The following CD9 variants were observed in gnomAD, a reference collection of about 807,000 sequenced individuals.
The protein encoded by CD9 is CD9 antigen.
In CD9, 10 loss-of-function variants were observed where a neutral mutation model predicts 31.4. That is an observed-to-expected ratio of 0.32 (90% CI 0.20 to 0.54). The LOEUF (loss-of-function observed/expected upper bound fraction) is 0.54, where lower values mean the gene tolerates loss of function less well. CD9 is among the 20% of genes least tolerant of loss of function. The pLI, the probability that CD9 is intolerant of heterozygous loss-of-function variation, is 0.94. For synonymous variants in CD9, 113 were observed against 114.1 expected, an observed-to-expected ratio of 0.99 and a Z score of 0.06; for missense variants, 259 against 300.1, an observed-to-expected ratio of 0.86 and a Z score of 1.01.
chr12:6,211,619 AGT>A (rs1331642380), intron 1 of CD9, among the ~76,000 whole-genome samples: 2 of 152,214 alleles, frequency 1.3e-5, no homozygotes, highest in Non-Finnish European at 2.9e-5. Flanking sequence ...TGTCAGCAAG[AGT>A]GTGTGCAGTC....
At chr12:6,206,492 A>G (rs1187113960) in intron 1 of CD9, among the ~76,000 whole-genome samples, 2 of 152,150 alleles carry the variant, frequency 1.3e-5, no homozygotes, top group African/African-American at 4.8e-5. Context: ...CCAAAATGCT[A>G]GGATTACAGG....
At chr12:6,203,682 C>A (rs570533781) in intron 1 of CD9, among the ~76,000 whole-genome samples, 1 of 152,268 alleles carries the variant, frequency 6.6e-6, no homozygotes, top group African/African-American at 2.4e-5. Context: ...TCCTTCAGAC[C>A]TCCCTGCCCG....
chr12:6,237,901 T>TTTGTTTG lies in CD9; in HGVS notation c.*90_*96dup, dbSNP rs1314354693. The stretch of plus-strand genomic sequence containing the variant: ...GGGATTTTTTGTTTGTTTGTTTTGT[T>TTTGTTTG]TTGTTTGTTGTTTGTTGTTTGTTTT... On this transcript the variant is annotated 3_prime_UTR_variant, in exon 8 of 8. Coordinates refer to ENST00000009180, the MANE Select transcript of CD9 (RefSeq NM_001769.4). The TTTGTTTG allele has an allele frequency of 1.7e-5, 20 of 1,202,920 alleles. No individual in the cohort carries two copies. Among genetic ancestry groups the TTTGTTTG allele is most frequent in the African/African-American group, 3.0e-5 (2 of 67,020 alleles). 74.5% of individuals were successfully genotyped at this position (1,202,920 alleles called of 1,614,324 possible). A position where few individuals can be genotyped will look rare whatever the true frequency, so the allele number is the denominator to read the frequency against.
intron 1 of CD9, chr12:6,200,788 C>T: frequency 2.3e-6 from 1 of 442,800 alleles, no homozygotes; most frequent in Non-Finnish European, 4.0e-6. Flanking sequence ...TCATCACCGC[C>T]CAGCCGGCGT....
intron 2 of CD9, among the ~76,000 whole-genome samples, chr12:6,227,550 G>A (rs1297055698): frequency 6.6e-6 from 1 of 152,276 alleles, no homozygotes; most frequent in African/African-American, 2.4e-5. Flanking sequence ...TCATTGTCTT[G>A]TGTGTATTAT....
rs926518808 is a variant in CD9, at chr12:6,232,316, C to T, written c.176-316C>T. On this transcript the variant is annotated intron_variant, in intron 2 of 7. Transcript: ENST00000009180. The surrounding 1 kb of genome is among the most constrained non-coding windows in gnomAD (Gnocchi z 4.8). ...TGACAGACTGGACCAGTTTGCATTC[C>T]GAATGTAGGGATTCCCGTGGATATT... The T allele has an allele frequency of 4.9e-5, 21 of 429,298 alleles. No individual in the cohort carries two copies. The highest frequency in any genetic ancestry group is 3.6e-4 in the South Asian group (16 of 43,914). The allele number at this position is 429,298 out of a possible 1,614,324, so 26.6% of individuals were successfully genotyped here.
chr12:6,211,663 C>T lies in CD9; in HGVS notation c.66+11098C>T, dbSNP rs141579389. Among the ~76,000 whole-genome samples, 36 of 152,242 alleles carry T rather than the reference C, an allele frequency of 2.4e-4. No homozygotes were observed. In the East Asian group the frequency reaches 6.2e-3, roughly 26 times the overall value. The stretch of plus-strand genomic sequence containing the variant: ...AGACAGCTCGGCGAGGCATACACAA[C>T]GGAAAACAAATGTGTGGTATTCTGG... On this transcript the variant is annotated intron_variant, in intron 1 of 7. Transcript: ENST00000009180.
chr12:6,227,246 TG>T lies in CD9; in HGVS notation c.175+1714del, dbSNP rs1358785679. 2.6e-5 allele frequency among the ~76,000 whole-genome samples: 4 copies of T among 151,374 alleles called. No homozygotes were observed. In the East Asian group the frequency reaches 7.7e-4, roughly 29 times the overall value. ...GAAGTTTCAATCTTGTTGCCCAGGCTGGAGTGCAATGACACAATCTCGGCTC... is the reference window on the plus strand; with the variant it reads ...GAAGTTTCAATCTTGTTGCCCAGGCTGAGTGCAATGACACAATCTCGGCTC... On this transcript the variant is annotated intron_variant, in intron 2 of 7. Transcript: ENST00000009180.
rs1000498347 is a variant in CD9, at chr12:6,201,920, C to T, written c.66+1355C>T. 2.6e-5 allele frequency among the ~76,000 whole-genome samples: 4 copies of T among 152,130 alleles called. No individual in the cohort carries two copies. In the East Asian group the frequency reaches 5.8e-4, roughly 22 times the overall value. ...GGGCGTGTTGGCATGCACCTGTGATCGCAGCTACTCAGGAGGCTGAGATGA... is the reference window on the plus strand; with the variant it reads ...GGGCGTGTTGGCATGCACCTGTGATTGCAGCTACTCAGGAGGCTGAGATGA... On this transcript the variant is annotated intron_variant, in intron 1 of 7. Coordinates refer to ENST00000009180, the MANE Select transcript of CD9 (RefSeq NM_001769.4).
intron 1 of CD9, among the ~76,000 whole-genome samples, chr12:6,210,060 G>A (rs1946177692): frequency 6.6e-6 from 1 of 152,222 alleles, no homozygotes; most frequent in African/African-American, 2.4e-5. Context: ...TTTGTCATGG[G>A]AGGCTGGCAC....
At chr12:6,207,856 C>G (rs1946149998) in intron 1 of CD9, among the ~76,000 whole-genome samples, 1 of 152,198 alleles carries the variant, frequency 6.6e-6, no homozygotes, top group Admixed American at 6.5e-5. Context: ...TCTTAAGAGC[C>G]CTTCCTCTTC....
At chr12:6,231,449 T>C (rs1434280345) in intron 2 of CD9, among the ~76,000 whole-genome samples, 1 of 152,168 alleles carries the variant, frequency 6.6e-6, no homozygotes, top group Non-Finnish European at 1.5e-5. Context: ...AGATAGAACA[T>C]GCCTGCAAGA....
At chr12:6,220,737 AAT>A (rs1367899079) in intron 1 of CD9, among the ~76,000 whole-genome samples, 1 of 152,184 alleles carries the variant, frequency 6.6e-6, no homozygotes, top group East Asian at 1.9e-4. Context: ...TTTGTTTTAG[AAT>A]AATTTTAGAT....
intron 1 of CD9, among the ~76,000 whole-genome samples, chr12:6,201,979 G>A (rs927397054): frequency 5.3e-5 from 8 of 152,144 alleles, no homozygotes; most frequent in Admixed American, 1.3e-4. Flanking sequence ...TCAAGGCTGC[G>A]GTGAGTCATG....
At position 6,232,681 on chromosome 12, in the gene CD9, C is replaced by T. The variant is rs138825133; in HGVS notation, c.225C>T (p.Phe75=). The part of the protein sequence containing the change: ...GAGALMMLVG[F]LGCCGAVQES... Reference sequence around the variant, plus strand: ...GCGCCCTCATGATGCTGGTGGGCTTCCTGGGCTGCTGCGGGGCTGTGCAGG... The same window carrying T: ...GCGCCCTCATGATGCTGGTGGGCTTTCTGGGCTGCTGCGGGGCTGTGCAGG... The change falls in exon 3 of 8, where the codon TTC becomes TTT. Residue 75 remains phenylalanine (F), a synonymous_variant. Coordinates refer to ENST00000009180, the MANE Select transcript of CD9 (RefSeq NM_001769.4). The surrounding 1 kb of genome is among the most constrained non-coding windows in gnomAD (Gnocchi z 4.8). 3 of 1,581,908 alleles carry T rather than the reference C, an allele frequency of 1.9e-6. No homozygotes were observed. The highest frequency in any genetic ancestry group is 2.3e-5 in the East Asian group (1 of 43,500).
intron 1 of CD9, among the ~76,000 whole-genome samples, chr12:6,212,245 C>A (rs1235934158): frequency 3.9e-5 from 6 of 152,162 alleles, no homozygotes; most frequent in Non-Finnish European, 2.9e-5. Flanking sequence ...ACGGGCAAGT[C>A]GCTTTACCTC....
chr12:6,235,560 G>C lies in CD9; in HGVS notation c.532G>C (p.Val178Leu). The C allele has an allele frequency of 6.2e-7, 1 of 1,611,620 alleles. No homozygotes were observed. Among genetic ancestry groups the C allele is most frequent in the Non-Finnish European group, 8.5e-7 (1 of 1,178,244 alleles). ...PKKDVLETFT[V>L]KSCPDAIKEV... ...GAAGGACGTACTCGAAACCTTCACCGTGAAGGTAAACTCAGACCAGGATCC... is the reference window on the plus strand; with the variant it reads ...GAAGGACGTACTCGAAACCTTCACCCTGAAGGTAAACTCAGACCAGGATCC... The change falls in exon 6 of 8, where the codon GTG (valine) becomes CTG (leucine). Residue 178 changes from valine to leucine, a missense_variant. Transcript: ENST00000009180.
intron 1 of CD9, among the ~76,000 whole-genome samples, chr12:6,223,428 A>AT (rs1591972431): frequency 6.6e-6 from 1 of 152,008 alleles, no homozygotes; most frequent in African/African-American, 2.4e-5. Context: ...CGCCTGGAGA[A>AT]TTTTTTGTAT....
intron 1 of CD9, among the ~76,000 whole-genome samples, chr12:6,204,771 A>G (rs1946112562): frequency 6.6e-6 from 1 of 152,222 alleles, no homozygotes; most frequent in Non-Finnish European, 1.5e-5. Flanking sequence ...AGTGGAGAGT[A>G]GAATGAGGCC....
Sources: gnomAD v4.1 joint callset for allele counts (sites outside exome capture counted in the v4.1 genomes callset) on GRCh38, gnomAD v4.1.1 for gene constraint, Gnocchi (gnomAD v3.1) non-coding constraint, MANE v1.5 for transcripts, NCBI Gene and HGNC (gene_info 2026-07-23, HGNC 2026-07-21) for gene names.